Variants in AGMO observed in about 807,000 individuals in gnomAD.
The protein encoded by AGMO is glyceryl-ether monooxygenase.
Under a neutral mutation model 60.2 loss-of-function variants are expected in AGMO, and 75 were observed. The observed-to-expected ratio is 1.25, with a 90% CI of 1.03 to 1.51. AGMO has a LOEUF of 1.51. Among genes scored for constraint, AGMO ranks in the 40% most tolerant of loss-of-function variants. AGMO has a pLI of 0.00. For synonymous variants in AGMO, 261 were observed against 177.1 expected (o/e 1.47, Z -3.76); for missense variants, 763 against 525.5 (o/e 1.45, Z -4.42).
chr7:15,509,315 TGGGG>T (rs1295191556), intron 3 of AGMO, among the ~76,000 whole-genome samples: 1 of 150,790 alleles, frequency 6.6e-6, no homozygotes, highest in Non-Finnish European at 1.5e-5. Context: ...AAATACACAA[TGGGG>T]AAAGAACAGT....
At chr7:15,283,309 C>G (rs915187389) in intron 12 of AGMO, among the ~76,000 whole-genome samples, 1 of 152,012 alleles carries the variant, frequency 6.6e-6, no homozygotes, top group Non-Finnish European at 1.5e-5. Context: ...AAAACCATCA[C>G]AAACCAAATA....
chr7:15,410,723 T>C (rs1181689436), intron 5 of AGMO, among the ~76,000 whole-genome samples: 2 of 151,956 alleles, frequency 1.3e-5, no homozygotes, highest in Non-Finnish European at 1.5e-5. Flanking sequence ...AGTAAGATCA[T>C]TTCTATAATG....
chr7:15,329,637 G>A (rs369870633), intron 12 of AGMO, among the ~76,000 whole-genome samples: 6 of 152,118 alleles, frequency 3.9e-5, no homozygotes, highest in Non-Finnish European at 8.8e-5. Context: ...TAAAGGCGTC[G>A]CTTAATTACA....
chr7:15,259,243 C>T (rs1041751642), intron 12 of AGMO, among the ~76,000 whole-genome samples: 8 of 151,884 alleles, frequency 5.3e-5, no homozygotes, highest in African/African-American at 1.9e-4. Context: ...GAAGCATGCA[C>T]TTAGAGAAAT....
At chr7:15,480,862 T>C (rs141893105) in intron 3 of AGMO, among the ~76,000 whole-genome samples, 1 of 150,414 alleles carries the variant, frequency 6.6e-6, no homozygotes, top group Admixed American at 6.6e-5. Flanking sequence ...CTAAGTTTGT[T>C]TTGGCCATGG....
At chr7:15,365,082 T>G (rs1479952439) in intron 12 of AGMO, among the ~76,000 whole-genome samples, 3 of 152,012 alleles carry the variant, frequency 2.0e-5, no homozygotes, top group Non-Finnish European at 4.4e-5. Flanking sequence ...TGACTTTATT[T>G]CTGTAGAATG....
intron 5 of AGMO, among the ~76,000 whole-genome samples, chr7:15,408,325 T>C (rs972801953): frequency 2.6e-5 from 4 of 151,818 alleles, no homozygotes; most frequent in Admixed American, 6.6e-5. Flanking sequence ...CACCCTAATA[T>C]TATTTGGGTT....
chr7:15,514,182 C>G (rs542926829), intron 3 of AGMO, among the ~76,000 whole-genome samples: 1 of 152,120 alleles, frequency 6.6e-6, no homozygotes, highest in African/African-American at 2.4e-5. Context: ...TAAAATTGAA[C>G]TCATCAACTC....
chr7:15,422,432 G>C lies in AGMO; in HGVS notation c.514-3779C>G, dbSNP rs554918286. Among the ~76,000 whole-genome samples the C allele has an allele frequency of 1.6e-4, 24 of 152,178 alleles. 1 individual carries two copies. In the South Asian group the frequency reaches 5.0e-3, roughly 32 times the overall value. On this transcript the variant is annotated intron_variant, in intron 4 of 12. Transcript: ENST00000342526. ...AGCAATGTCACCAACCTAAGGATTA[G>C]ACCAACGGAAGAGAGGTGAACATTT... is the stretch of plus-strand genomic sequence containing the variant.
intron 3 of AGMO, among the ~76,000 whole-genome samples, chr7:15,492,319 C>T (rs79456614): frequency 0.016 from 2,318 of 144,994 alleles, 57 homozygotes; most frequent in African/African-American, 0.057. Flanking sequence ...TAAATGGAAC[C>T]GATTGCAAAC....
chr7:15,534,277 A>T (rs886744373), intron 3 of AGMO, among the ~76,000 whole-genome samples: 5 of 152,070 alleles, frequency 3.3e-5, no homozygotes. Context: ...ATATAGGCAA[A>T]ATGTACACAT....
intron 12 of AGMO, among the ~76,000 whole-genome samples, chr7:15,346,807 G>C (rs945108755): frequency 6.6e-6 from 1 of 151,536 alleles, no homozygotes; most frequent in Non-Finnish European, 1.5e-5. Flanking sequence ...GAATTGAACT[G>C]TATCTTATTA....
chr7:15,395,591 T>C (rs1784340322), intron 5 of AGMO, among the ~76,000 whole-genome samples: 1 of 152,136 alleles, frequency 6.6e-6, no homozygotes, highest in Non-Finnish European at 1.5e-5. Context: ...TGCTACGAAA[T>C]ATTTTGGCAA....
intron 12 of AGMO, among the ~76,000 whole-genome samples, chr7:15,281,994 C>G (rs1242160699): frequency 6.6e-6 from 1 of 151,984 alleles, no homozygotes; most frequent in Non-Finnish European, 1.5e-5. Context: ...CTGAAAGCAC[C>G]AAGAGCAGAA....
intron 12 of AGMO, among the ~76,000 whole-genome samples, chr7:15,224,350 G>A (rs1353017212): frequency 6.6e-6 from 1 of 151,836 alleles, no homozygotes; most frequent in Non-Finnish European, 1.5e-5. Flanking sequence ...AGGTCATGAG[G>A]GTAGAAAGCT....
intron 12 of AGMO, among the ~76,000 whole-genome samples, chr7:15,214,107 G>A (rs1342229368): frequency 1.3e-5 from 2 of 151,976 alleles, no homozygotes; most frequent in African/African-American, 4.8e-5. Context: ...AAAGGAGGGA[G>A]AGAGACAGAG....
intron 3 of AGMO, among the ~76,000 whole-genome samples, chr7:15,439,848 A>T (rs7787350): frequency 1.3e-5 from 2 of 151,972 alleles, no homozygotes; most frequent in Non-Finnish European, 2.9e-5. Context: ...AAGAGCAAGA[A>T]CTTTTGAACT....
At chr7:15,371,389 ATTT>A (rs528877003) in intron 10 of AGMO, among the ~76,000 whole-genome samples, 1 of 142,948 alleles carries the variant, frequency 7.0e-6, no homozygotes, top group East Asian at 2.0e-4. Context: ...CGCACAGCTA[ATTT>A]TTTTTTTTTT....
chr7:15,196,486 C>T (rs140478855), downstream of AGMO, among the ~76,000 whole-genome samples: 63 of 152,328 alleles, frequency 4.1e-4, 1 homozygote, highest in East Asian at 0.012. Context: ...ACAATATTCT[C>T]TCACACTGCA....
Sources: allele counts gnomAD v4.1 joint callset (sites outside exome capture counted in the v4.1 genomes callset), GRCh38; gene constraint gnomAD v4.1.1; transcripts MANE v1.5; gene names NCBI Gene and HGNC (gene_info 2026-07-23, HGNC 2026-07-21).